DNAH1: variants seen among roughly 807,000 people sequenced by gnomAD.
DNAH1 encodes the protein axonemal beta dynein heavy chain 1.
Under a neutral mutation model 484.3 loss-of-function variants are expected in DNAH1, and 327 were observed. The ratio of observed to expected loss-of-function variants is 0.68; its 90% CI spans 0.62 to 0.74. DNAH1 has a LOEUF of 0.74. DNAH1 is among the 30% of genes least tolerant of loss of function. The pLI is 0.00. For synonymous variants in DNAH1, 2,192 were observed against 2,191.9 expected, an observed-to-expected ratio of 1.00 and a Z score of 0.00; for missense variants, 5,052 against 5,546.8, an observed-to-expected ratio of 0.91 and a Z score of 2.83.
At chr3:52,323,497 C>A (rs562132423) in intron 2 of DNAH1, among the ~76,000 whole-genome samples, 141 of 152,316 alleles carry the variant, frequency 9.3e-4, no homozygotes, top group Admixed American at 5.1e-3. Context: ...TACAGAGATA[C>A]CTGCTGGCCT....
intron 8 of DNAH1, among the ~76,000 whole-genome samples, chr3:52,339,161 C>T (rs1314996410): frequency 6.6e-6 from 1 of 152,058 alleles, no homozygotes; most frequent in East Asian, 1.9e-4. Flanking sequence ...TTATATATTG[C>T]TGCTGCTTTG....
rs1704531237 is a variant in DNAH1 at position 52,394,519 on chromosome 3, C to G, written c.10681C>G (p.Pro3561Ala). 1 of 1,614,024 alleles carries G rather than the reference C, an allele frequency of 6.2e-7. No homozygotes were observed. Among genetic ancestry groups the G allele is most frequent in the Middle Eastern group, 1.7e-4 (1 of 6,060 alleles). The part of the protein sequence containing the change: ...GGSISIMTEN[P>A]APDWLSDRAW... ...CTCCATCTCGATCATGACTGAGAAT[C>G]CGGCACCGGACTGGCTGTCAGACCG... The change falls in exon 67 of 78, where the codon CCG (proline) becomes GCG (alanine). Residue 3561 changes from proline to alanine, a missense_variant. Coordinates refer to ENST00000420323, the MANE Select transcript of DNAH1 (RefSeq NM_015512.5).
rs535855431 is a variant in DNAH1, at chr3:52,337,735, A to G, written c.1286+5341A>G. Among the ~76,000 whole-genome samples the G allele has an allele frequency of 6.8e-4, 103 of 152,292 alleles. 1 individual carries two copies. Among genetic ancestry groups the G allele is most frequent in the South Asian group, 4.6e-3 (22 of 4,828 alleles). On this transcript the variant is annotated intron_variant, in intron 8 of 77. Coordinates refer to ENST00000420323, the MANE Select transcript of DNAH1 (RefSeq NM_015512.5). ...TTTAGTGGTTTCTTTTATAGTCTCC[A>G]TTATCCCCTGCTTTCCTACTTAACC...
rs1161171381 is a variant in DNAH1 at position 52,345,647 on chromosome 3, C to T, written c.1597C>T (p.Leu533Phe). The part of the protein sequence containing the change: ...VTAMSLFHSS[L>F]SKYSHLEEFE... Reference sequence around the variant, plus strand: ...CGCCATGTCCCTGTTCCACTCGAGCCTCTCCAAGTACAGCCACCTGGAGGA... The same window carrying T: ...CGCCATGTCCCTGTTCCACTCGAGCTTCTCCAAGTACAGCCACCTGGAGGA... The change falls in exon 10 of 78, where the codon CTC (leucine) becomes TTC (phenylalanine). Residue 533 changes from leucine (L) to phenylalanine (F), a missense_variant. Coordinates refer to ENST00000420323, the MANE Select transcript of DNAH1 (RefSeq NM_015512.5). The T allele has an allele frequency of 5.6e-6, 9 of 1,612,728 alleles. No individual in the cohort carries two copies. Among genetic ancestry groups the T allele is most frequent in the Non-Finnish European group, 7.6e-6 (9 of 1,179,416 alleles).
chr3:52,321,137 A>C (rs1327251880), intron 1 of DNAH1, among the ~76,000 whole-genome samples: 1 of 135,546 alleles, frequency 7.4e-6, no homozygotes, highest in Non-Finnish European at 1.5e-5. Context: ...TTTTTTTGAG[A>C]TGGAGTTTTG....
At chr3:52,316,742 C>A (rs185277511) in intron 1 of DNAH1, among the ~76,000 whole-genome samples, 197 bp downstream of exon 1, 1 of 152,324 alleles carries the variant, frequency 6.6e-6, no homozygotes, top group East Asian at 1.9e-4. Flanking sequence ...CAGTTCCAGA[C>A]ACTTAGTGCC....
At chr3:52,324,783 C>T (rs1701275862) in intron 3 of DNAH1, among the ~76,000 whole-genome samples, 1 of 152,290 alleles carries the variant, frequency 6.6e-6, no homozygotes, top group South Asian at 2.1e-4. Context: ...GAATGGTGCT[C>T]CTGCCACACA....
At chr3:52,373,532 A>G in intron 44 of DNAH1, 2 of 1,466,798 alleles carry the variant, frequency 1.4e-6, no homozygotes, top group Non-Finnish European at 1.9e-6. Flanking sequence ...TCCCGTCTAC[A>G]GTGTCTGCTA....
intron 54 of DNAH1, 76 bp from the exon 55 acceptor site, chr3:52,386,082 ACT>A: frequency 6.8e-7 from 1 of 1,471,832 alleles, no homozygotes; most frequent in South Asian, 1.4e-5. Context: ...GGGCACCCCA[ACT>A]CTCCTTCCAT....
Position 52,379,785 on chromosome 3 carries a change from G to A in DNAH1, c.7378-120G>A. 1 of 851,370 alleles carries A rather than the reference G, an allele frequency of 1.2e-6. No homozygotes were observed. Among genetic ancestry groups the A allele is most frequent in the Non-Finnish European group, 1.8e-6 (1 of 560,410 alleles). 52.7% of individuals were successfully genotyped at this position (851,370 alleles called of 1,614,324 possible). A position where few individuals can be genotyped will look rare whatever the true frequency, so the allele number is the denominator to read the frequency against. On this transcript the variant is annotated intron_variant, in intron 47 of 77. Coordinates refer to ENST00000420323, the MANE Select transcript of DNAH1 (RefSeq NM_015512.5). This position sits in a 1 kb window ranked among gnomAD's most constrained non-coding sequence, Gnocchi z 4.4. Reference sequence around the variant, plus strand: ...ACACACTGTCCCTGGGCCATGGTGGGAGAGCCAGGCTCCAGTCAGGGCCCC... The same window carrying A: ...ACACACTGTCCCTGGGCCATGGTGGAAGAGCCAGGCTCCAGTCAGGGCCCC...
At position 52,386,347 on chromosome 3, in the gene DNAH1, T is replaced by C; in HGVS notation, c.8811+2T>C. ...CTCAACAAGAACGATGTGACCGAGG[T>C]GGGCAGCAGGGCATCTCCTGGCATT... On this transcript the variant is annotated splice_donor_variant, in intron 55 of 77. Coordinates refer to ENST00000420323, the MANE Select transcript of DNAH1 (RefSeq NM_015512.5). LOFTEE classifies it high-confidence loss of function. The C allele has an allele frequency of 6.4e-7, 1 of 1,563,806 alleles. No homozygotes were observed. The highest frequency in any genetic ancestry group is 8.7e-7 in the Non-Finnish European group (1 of 1,154,192).
At chr3:52,323,342 G>A (rs1441162626) in intron 2 of DNAH1, among the ~76,000 whole-genome samples, 2 of 151,844 alleles carry the variant, frequency 1.3e-5, no homozygotes, top group African/African-American at 2.4e-5. Context: ...AAGAGAGGGG[G>A]GAATGACGAG....
intron 1 of DNAH1, among the ~76,000 whole-genome samples, chr3:52,317,255 C>G (rs1322519874): frequency 1.3e-5 from 2 of 152,040 alleles, no homozygotes; most frequent in African/African-American, 4.8e-5. Flanking sequence ...CAGAATAGGG[C>G]AGGAAGATCA....
intron 34 of DNAH1, among the ~76,000 whole-genome samples, chr3:52,365,852 G>A (rs767081937): frequency 1.3e-5 from 2 of 152,212 alleles, no homozygotes; most frequent in African/African-American, 4.8e-5. Flanking sequence ...GACCCTAGCA[G>A]GCTTGTTGAA....
Position 52,345,697 on chromosome 3 carries a change from C to G in DNAH1, c.1647C>G (p.Thr549=). ...LEEFEQIQSQ[T]FSQVQMFLKD... is the part of the protein sequence containing the mutation. ...AATTTGAGCAGATCCAGTCACAGAC[C>G]TTCTCCCAGGTTTGTGGGCATCAAG... The change falls in exon 10 of 78, where the codon ACC becomes ACG. Residue 549 remains threonine, a synonymous_variant. Coordinates refer to ENST00000420323, the MANE Select transcript of DNAH1 (RefSeq NM_015512.5). 1.2e-6 allele frequency: 2 copies of G among 1,612,424 alleles called. No individual in the cohort carries two copies. Among genetic ancestry groups the G allele is most frequent in the Non-Finnish European group, 1.7e-6 (2 of 1,179,250 alleles).
Position 52,364,852 on chromosome 3 carries a change from C to T in DNAH1, c.5351C>T (p.Ala1784Val). The change falls in exon 34 of 78, where the codon GCC (alanine) becomes GTC (valine). Residue 1784 changes from alanine to valine, a missense_variant. Ala to Val is a moderately conservative substitution (Grantham distance 64). Coordinates refer to ENST00000420323, the MANE Select transcript of DNAH1 (RefSeq NM_015512.5). The surrounding 1 kb of genome is among the most constrained non-coding windows in gnomAD (Gnocchi z 4.2). ...CTGCAGGAGCTGATCTGCCTCCGGG[C>T]CATCCGTGATGTGAACGTGCCCAAG... ...SMNEELICLR[A>V]IRDVNVPKFL... 1 of 1,613,742 alleles carries T rather than the reference C, an allele frequency of 6.2e-7. No homozygotes were observed. Among genetic ancestry groups the T allele is most frequent in the Admixed American group, 1.7e-5 (1 of 60,016 alleles).
chr3:52,386,452 C>G, intron 55 of DNAH1, 107 bp downstream of exon 55: 1 of 1,416,752 alleles, frequency 7.1e-7, no homozygotes. Context: ...CCTCCTCATT[C>G]CAGCCCCCAG....
rs1317199176 is a variant in DNAH1, at chr3:52,340,243, C to A, written c.1287-4247C>A. Among the ~76,000 whole-genome samples, 2 of 150,676 alleles carry A rather than the reference C, an allele frequency of 1.3e-5. 1 individual carries two copies. The highest frequency in any genetic ancestry group is 4.2e-4 in the South Asian group (2 of 4,750). ...GACTACAGGCATGTGCCACCACACC[C>A]GCTATTTTTTTATTTTTTGTAGAGA... On this transcript the variant is annotated intron_variant, in intron 8 of 77. Transcript: ENST00000420323.
At position 52,327,670 on chromosome 3, in the gene DNAH1, C is replaced by T. The variant is rs192229220; in HGVS notation, c.739-212C>T. ...GTTTCACCCAACCAGATGCTGTGTACCCCTGGGAGCAGCAGTGGAGAGGCT... is the reference window on the plus strand; with the variant it reads ...GTTTCACCCAACCAGATGCTGTGTATCCCTGGGAGCAGCAGTGGAGAGGCT... On this transcript the variant is annotated intron_variant, in intron 5 of 77. Coordinates refer to ENST00000420323, the MANE Select transcript of DNAH1 (RefSeq NM_015512.5). Among the ~76,000 whole-genome samples, 950 of 152,264 alleles carry T rather than the reference C, an allele frequency of 6.2e-3. 7 individuals are homozygous for T. The highest frequency in any genetic ancestry group is 9.7e-3 in the Non-Finnish European group (657 of 68,006).
Sources: allele counts gnomAD v4.1 joint callset (sites outside exome capture counted in the v4.1 genomes callset), GRCh38; gene constraint gnomAD v4.1.1; non-coding constraint Gnocchi (gnomAD v3.1); transcripts MANE v1.5; gene names NCBI Gene and HGNC (gene_info 2026-07-23, HGNC 2026-07-21).